ST13: variants seen among roughly 807,000 people sequenced by gnomAD.
The protein encoded by ST13 is hsc70-interacting protein.
Under a neutral mutation model 56.7 loss-of-function variants are expected in ST13, and 23 were observed. The observed-to-expected ratio is 0.41, with a 90% CI of 0.29 to 0.57. The LOEUF (loss-of-function observed/expected upper bound fraction) is 0.57, where lower values mean the gene tolerates loss of function less well. Among genes scored for constraint, ST13 ranks in the 20% least tolerant of loss-of-function variants. The pLI is 0.36. For synonymous variants in ST13, 132 were observed against 142.4 expected (o/e 0.93, Z 0.52); for missense variants, 369 against 459.9 (o/e 0.80, Z 1.81).
At chr22:40,850,506 T>A (rs1160522448) in intron 2 of ST13, among the ~76,000 whole-genome samples, 1 of 152,196 alleles carries the variant, frequency 6.6e-6, no homozygotes, top group Non-Finnish European at 1.5e-5. Context: ...ACAATGCATA[T>A]GACACACTGT....
chr22:40,846,142 G>T (rs550604657), intron 3 of ST13, among the ~76,000 whole-genome samples: 4 of 152,070 alleles, frequency 2.6e-5, no homozygotes, highest in Non-Finnish European at 5.9e-5. Context: ...CTCCATGTTA[G>T]TCAGGCTGGT....
At chr22:40,853,169 T>C (rs140034457) in intron 1 of ST13, among the ~76,000 whole-genome samples, 1 of 152,294 alleles carries the variant, frequency 6.6e-6, no homozygotes, top group East Asian at 1.9e-4. Context: ...GAGGATTAGA[T>C]AGCATAAATG....
At chr22:40,838,191 C>T (rs1190979184) in intron 5 of ST13, among the ~76,000 whole-genome samples, 1 of 152,164 alleles carries the variant, frequency 6.6e-6, no homozygotes, top group South Asian at 2.1e-4. Context: ...GGGATTCAAA[C>T]CATACCACTC....
In ST13 at chr22:40,856,513, G is replaced by C. The variant is rs759420567; in HGVS notation, c.28C>G (p.Arg10Gly). Residue 10 changes from arginine (R) to glycine (G), a missense_variant, in exon 1 of 12, where the codon CGG becomes GGG. Around this residue, in one of 3 missense-constraint regions of ST13, gnomAD observed 169 missense variants for 175.6 expected, o/e 0.96. Coordinates refer to ENST00000216218, the MANE Select transcript of ST13 (RefSeq NM_003932.5). MDPRKVNEL[R>G]AFVKMCKQDP... Reference sequence around the variant, plus strand: ...TGCTTACACATTTTCACAAAGGCCCGAAGCTCGTTCACTTTGCGGGGGTCC... The same window carrying C: ...TGCTTACACATTTTCACAAAGGCCCCAAGCTCGTTCACTTTGCGGGGGTCC... 1.9e-6 allele frequency: 3 copies of C among 1,612,890 alleles called. No individual in the cohort carries two copies. The highest frequency in any genetic ancestry group is 2.5e-6 in the Non-Finnish European group (3 of 1,179,726).
rs374954482 is a variant in ST13, at chr22:40,856,469, G to A, written c.72C>T (p.His24=). Reference sequence around the variant, plus strand: ...CCCTCAGGAAGCGCATTTCCTCGGTGTGCAGAACGCTCGGATCCTGCTTAC... The same window carrying A: ...CCCTCAGGAAGCGCATTTCCTCGGTATGCAGAACGCTCGGATCCTGCTTAC... ...KMCKQDPSVL[H]TEEMRFLREW... is the part of the protein sequence containing the mutation. Residue 24 remains histidine, a synonymous_variant, in exon 1 of 12, where the codon CAC becomes CAT. Transcript: ENST00000216218. 8.7e-6 allele frequency: 14 copies of A among 1,613,506 alleles called. No homozygotes were observed. The African/African-American group carries it at 1.7e-4, about 20-fold the overall frequency.
Position 40,824,672 on chromosome 22 carries a change from CAAATA to C in ST13, c.*1861_*1865del, listed in dbSNP as rs1348565487. Reference sequence around the variant, plus strand: ...TAGAATATAATTAGGTTAAATAAATCAAATAAGGAATCCAGAAGAAACTGTTCTTG... The same window carrying C: ...TAGAATATAATTAGGTTAAATAAATCAGGAATCCAGAAGAAACTGTTCTTG... On this transcript the variant is annotated 3_prime_UTR_variant, in exon 12 of 12. Transcript: ENST00000216218. The C allele has an allele frequency of 6.6e-6, 1 of 151,864 alleles. No homozygotes were observed. Among genetic ancestry groups the C allele is most frequent in the African/African-American group, 2.4e-5 (1 of 41,398 alleles). 9.4% of individuals were successfully genotyped at this position (151,864 alleles called of 1,614,324 possible).
At chr22:40,838,160 C>A (rs1474105008) in intron 5 of ST13, among the ~76,000 whole-genome samples, 3 of 152,172 alleles carry the variant, frequency 2.0e-5, no homozygotes, top group African/African-American at 7.2e-5. Context: ...GGGAAAGCAG[C>A]CACAGTTAAG....
In ST13 at chr22:40,825,246, A is replaced by G. The variant is rs904106231; in HGVS notation, c.*1292T>C. On this transcript the variant is annotated 3_prime_UTR_variant, in exon 12 of 12. Transcript: ENST00000216218. ...TGAATACAAAGACAATGAGTCTTTC[A>G]TAGTCTCAACAACTCCACAATGAAT... 3 of 152,180 alleles carry G rather than the reference A, an allele frequency of 2.0e-5. No individual in the cohort carries two copies. Among genetic ancestry groups the G allele is most frequent in the Non-Finnish European group, 4.4e-5 (3 of 68,028 alleles). The allele number at this position is 152,180 out of a possible 1,614,324, so 9.4% of individuals were successfully genotyped here. A position where few individuals can be genotyped will look rare whatever the true frequency, so the allele number is the denominator to read the frequency against.
intron 4 of ST13, among the ~76,000 whole-genome samples, chr22:40,842,974 G>C (rs1236838378): frequency 6.6e-6 from 1 of 152,136 alleles, no homozygotes; most frequent in Non-Finnish European, 1.5e-5. Context: ...TAAAAAACTA[G>C]CTGGACATGG....
intron 4 of ST13, among the ~76,000 whole-genome samples, chr22:40,842,319 T>C (rs1420312705): frequency 2.0e-5 from 3 of 152,002 alleles, no homozygotes; most frequent in Non-Finnish European, 4.4e-5. Context: ...AAACACATCA[T>C]AAAGTAAACA....
At chr22:40,839,081 C>T (rs1296879334) in intron 5 of ST13, among the ~76,000 whole-genome samples, 1 of 152,028 alleles carries the variant, frequency 6.6e-6, no homozygotes, top group Non-Finnish European at 1.5e-5. Flanking sequence ...TAAAAAACAG[C>T]TCTAAGAATA....
intron 1 of ST13, among the ~76,000 whole-genome samples, chr22:40,852,041 C>A (rs1358369796): frequency 6.6e-6 from 1 of 152,172 alleles, no homozygotes; most frequent in African/African-American, 2.4e-5. Flanking sequence ...CTGCGCCCGG[C>A]CTGATTCTTT....
intron 5 of ST13, among the ~76,000 whole-genome samples, chr22:40,837,190 A>ACC (rs2057781619): frequency 6.6e-6 from 1 of 152,248 alleles, no homozygotes; most frequent in Admixed American, 6.5e-5. Context: ...ACTTGAAAAG[A>ACC]ACTCACAAAA....
chr22:40,826,793 A>G lies in ST13; in HGVS notation c.982-127T>C, dbSNP rs1469657715. 4 of 1,074,372 alleles carry G rather than the reference A, an allele frequency of 3.7e-6. No individual in the cohort carries two copies. The Admixed American group carries it at 1.0e-4, about 27-fold the overall frequency. The allele number at this position is 1,074,372 out of a possible 1,614,324, so 66.6% of individuals were successfully genotyped here. A position where few individuals can be genotyped will look rare whatever the true frequency, so the allele number is the denominator to read the frequency against. ...AGTTAAGTTAAATGGGGTTTAGATG[A>G]GTGCTTGAAGTATCAAAATCAAGCT... is the stretch of plus-strand genomic sequence containing the variant. On this transcript the variant is annotated intron_variant, in intron 11 of 11. Transcript: ENST00000216218.
rs1230015280 is a variant in ST13 at position 40,840,785 on chromosome 22, C to T, written c.316-93G>A. ...TTAGGGATGAGGCGCAGTCACAATA[C>T]CCATTTTCATTCATTCTTCTGTAGT... On this transcript the variant is annotated intron_variant, in intron 4 of 11. Transcript: ENST00000216218. The T allele has an allele frequency of 7.3e-6, 7 of 962,794 alleles. No individual in the cohort carries two copies. The East Asian group carries it at 7.5e-5, about 10-fold the overall frequency. 59.6% of individuals were successfully genotyped at this position (962,794 alleles called of 1,614,324 possible).
chr22:40,841,203 G>GAAA (rs1187227386), intron 4 of ST13, among the ~76,000 whole-genome samples: 4 of 90,482 alleles, frequency 4.4e-5, no homozygotes, highest in Middle Eastern at 5.4e-3. Context: ...CCAAAAAAAA[G>GAAA]AAAAAAAAAA....
At position 40,824,698 on chromosome 22, in the gene ST13, T is replaced by G. The variant is rs972033421; in HGVS notation, c.*1840A>C. ...AAATAAGGAATCCAGAAGAAACTGT[T>G]CTTGAGTTAAGCCAAGTACACACTG... On this transcript the variant is annotated 3_prime_UTR_variant, in exon 12 of 12. Transcript: ENST00000216218. 1.2e-4 allele frequency: 19 copies of G among 152,320 alleles called. No individual in the cohort carries two copies. Among genetic ancestry groups the G allele is most frequent in the African/African-American group, 4.1e-4 (17 of 41,572 alleles). The allele number at this position is 152,320 out of a possible 1,614,324, so 9.4% of individuals were successfully genotyped here. A position where few individuals can be genotyped will look rare whatever the true frequency, so the allele number is the denominator to read the frequency against.
intron 4 of ST13, among the ~76,000 whole-genome samples, chr22:40,843,200 A>G (rs1388284212): frequency 2.0e-5 from 3 of 152,236 alleles, no homozygotes; most frequent in African/African-American, 7.2e-5. Flanking sequence ...AATTGGGCAG[A>G]TAACATTATT....
In ST13 at chr22:40,830,911, C is replaced by T; in HGVS notation, c.727G>A (p.Glu243Lys). The T allele has an allele frequency of 6.2e-7, 1 of 1,604,674 alleles. No homozygotes were observed. Among genetic ancestry groups the T allele is most frequent in the Non-Finnish European group, 8.5e-7 (1 of 1,179,690 alleles). ...ATTCTTTCTTTGATCTCTCGCTCTT[C>T]ACGTTTTCGCTCATACTTTCTCCGA... is the stretch of plus-strand genomic sequence containing the variant. ...EHRRKYERKREEREIKERIER... is the reference protein window; with the variant it reads ...EHRRKYERKRKEREIKERIER... The change falls in exon 9 of 12, where the codon GAA (glutamate) becomes AAA (lysine). Residue 243 changes from glutamate to lysine, a missense_variant. This residue lies in a region of ST13 where 136 missense variants were observed against 159.2 expected (regional missense o/e 0.85). Transcript: ENST00000216218.
Sources: gnomAD v4.1 joint callset for allele counts (sites outside exome capture counted in the v4.1 genomes callset) on GRCh38, gnomAD v4.1.1 for gene constraint, gnomAD v4.1.1 regional missense constraint, MANE v1.5 for transcripts, NCBI Gene and HGNC (gene_info 2026-07-23, HGNC 2026-07-21) for gene names.